The following LRRC4C variants were observed in gnomAD, a reference collection of about 807,000 sequenced individuals.
The protein encoded by LRRC4C is leucine rich repeat containing 4C.
In LRRC4C, 5 loss-of-function variants were observed where a neutral mutation model predicts 33.6. That is an observed-to-expected ratio of 0.15 (90% CI 0.08 to 0.31). The LOEUF is 0.31. Ranked by LOEUF, LRRC4C falls within the 10% of genes least tolerant of loss-of-function variation. The probability of loss-of-function intolerance (pLI) is 1.00; values close to 1 mark genes in which losing one functional copy is unlikely to be tolerated. For synonymous variants in LRRC4C, 329 were observed against 302.0 expected, an observed-to-expected ratio of 1.09 and a Z score of -0.93; for missense variants, 560 against 796.7, an observed-to-expected ratio of 0.70 and a Z score of 3.58.
At chr11:41,272,347 G>T (rs1949348113) in intron 1 of LRRC4C, among the ~76,000 whole-genome samples, 1 of 151,988 alleles carries the variant, frequency 6.6e-6, no homozygotes, top group Non-Finnish European at 1.5e-5. Context: ...AGCATTGTGG[G>T]TGTCTAAGAA....
chr11:41,451,406 T>C (rs534528419), intron 1 of LRRC4C, among the ~76,000 whole-genome samples: 5 of 152,214 alleles, frequency 3.3e-5, no homozygotes, highest in Admixed American at 3.3e-4. Context: ...TGTATTTATG[T>C]ATATGGTGCT....
chr11:40,384,824 G>A (rs1053849789), intron 3 of LRRC4C, among the ~76,000 whole-genome samples: 1 of 151,920 alleles, frequency 6.6e-6, no homozygotes, highest in Non-Finnish European at 1.5e-5. Flanking sequence ...TAAACAATAT[G>A]ATTCTTTGGG....
chr11:40,640,873 G>T (rs957934356), intron 3 of LRRC4C, among the ~76,000 whole-genome samples: 3 of 151,764 alleles, frequency 2.0e-5, no homozygotes, highest in African/African-American at 7.3e-5. Context: ...AAAATCAGCC[G>T]GGCGTGGTGG....
intron 3 of LRRC4C, among the ~76,000 whole-genome samples, chr11:40,499,319 C>G (rs1954626201): frequency 6.6e-6 from 1 of 152,106 alleles, no homozygotes; most frequent in Admixed American, 6.5e-5. Flanking sequence ...AAAATATCAC[C>G]ATACTGAGTC....
At chr11:40,879,770 G>C (rs1313641351) in intron 2 of LRRC4C, among the ~76,000 whole-genome samples, 4 of 151,998 alleles carry the variant, frequency 2.6e-5, no homozygotes, top group Admixed American at 2.6e-4. Flanking sequence ...AAATAAATAA[G>C]GCAAAAAGAT....
intron 2 of LRRC4C, among the ~76,000 whole-genome samples, chr11:40,831,680 G>A (rs1052501960): frequency 3.9e-5 from 6 of 152,086 alleles, no homozygotes; most frequent in African/African-American, 9.7e-5. Context: ...GGCTGCAGAG[G>A]CCTCACAATC....
At chr11:40,583,889 A>T (rs900232604) in intron 3 of LRRC4C, among the ~76,000 whole-genome samples, 2 of 151,690 alleles carry the variant, frequency 1.3e-5, no homozygotes, top group African/African-American at 4.8e-5. Flanking sequence ...CATAGTTTTA[A>T]GGCAGGAAGA....
intron 1 of LRRC4C, among the ~76,000 whole-genome samples, chr11:41,395,714 T>G (rs2138050339): frequency 6.6e-6 from 1 of 152,120 alleles, no homozygotes. Flanking sequence ...CTCCTCTGAC[T>G]ACATAATTGG....
At chr11:41,248,226 TAC>T (rs1174442436) in intron 1 of LRRC4C, among the ~76,000 whole-genome samples, 3 of 152,208 alleles carry the variant, frequency 2.0e-5, no homozygotes, top group Admixed American at 2.0e-4. Context: ...CCATAACATT[TAC>T]TGTTCCTTCT....
chr11:40,531,614 C>T (rs772008053), intron 3 of LRRC4C, among the ~76,000 whole-genome samples: 4 of 152,056 alleles, frequency 2.6e-5, no homozygotes, highest in Non-Finnish European at 5.9e-5. Context: ...GTAAATATCA[C>T]TTTTTGCCTA....
In LRRC4C at chr11:40,601,611, G is replaced by A. The variant is rs144021192; in HGVS notation, c.-270+46531C>T. ...CACATCTAATTATTTTGCATGAATG[G>A]CTTCATTTTGTATCATTAAAATTTC... On this transcript the variant is annotated intron_variant, in intron 3 of 6. Coordinates refer to ENST00000528697, the MANE Select transcript of LRRC4C (RefSeq NM_001258419.2). Among the ~76,000 whole-genome samples the A allele has an allele frequency of 1.2e-4, 18 of 152,262 alleles. No individual in the cohort carries two copies. The East Asian group carries it at 2.7e-3, about 23-fold the overall frequency.
intron 1 of LRRC4C, among the ~76,000 whole-genome samples, chr11:41,012,213 A>C (rs1011165874): frequency 6.6e-6 from 1 of 152,014 alleles, no homozygotes; most frequent in African/African-American, 2.4e-5. Flanking sequence ...ATACCCATTA[A>C]TTAATCTTTC....
chr11:40,520,977 A>G (rs1463801699), intron 3 of LRRC4C, among the ~76,000 whole-genome samples: 1 of 152,162 alleles, frequency 6.6e-6, no homozygotes, highest in African/African-American at 2.4e-5. Context: ...TTCCTTTTTA[A>G]AAACAAAAGA....
chr11:41,357,668 G>A (rs10837636), intron 1 of LRRC4C, among the ~76,000 whole-genome samples: 27,559 of 151,766 alleles, frequency 0.18, 2,843 homozygotes, highest in East Asian at 0.44. Flanking sequence ...CAGATAAATC[G>A]TGAACATTTT....
rs554877619 is a variant in LRRC4C at position 40,988,858 on chromosome 11, A to T, written c.-495-55135T>A. On this transcript the variant is annotated intron_variant, in intron 1 of 6. Transcript: ENST00000528697. ...CAGCCTCCCGAGTAGCTGGGACTAC[A>T]GGTGCCTGCCACCACGCCCGGCTAA... 5.9e-5 allele frequency among the ~76,000 whole-genome samples: 9 copies of T among 151,430 alleles called. No individual in the cohort carries two copies. In the East Asian group the frequency reaches 1.6e-3, roughly 26 times the overall value.
chr11:40,402,443 C>G (rs1483899580), intron 3 of LRRC4C, among the ~76,000 whole-genome samples: 1 of 152,048 alleles, frequency 6.6e-6, no homozygotes, highest in Non-Finnish European at 1.5e-5. Flanking sequence ...AGACTCATGA[C>G]TACAGAGTTT....
chr11:40,747,222 C>A (rs969214879), intron 2 of LRRC4C, among the ~76,000 whole-genome samples: 1 of 152,136 alleles, frequency 6.6e-6, no homozygotes, highest in Non-Finnish European at 1.5e-5. Context: ...ACCTGGAGTA[C>A]CAGTCCTGAG....
intron 2 of LRRC4C, among the ~76,000 whole-genome samples, chr11:40,795,421 T>G (rs1950784763): frequency 6.6e-6 from 1 of 152,024 alleles, no homozygotes; most frequent in African/African-American, 2.4e-5. Flanking sequence ...TCCCAGCTAC[T>G]CGGGAGACTG....
At chr11:41,327,694 A>G (rs535581737) in intron 1 of LRRC4C, among the ~76,000 whole-genome samples, 1 of 151,926 alleles carries the variant, frequency 6.6e-6, no homozygotes, top group South Asian at 2.1e-4. Context: ...CATGGGAGGG[A>G]CCCCGTGGGA....
Sources: gnomAD v4.1 joint callset for allele counts (sites outside exome capture counted in the v4.1 genomes callset) on GRCh38, gnomAD v4.1.1 for gene constraint, MANE v1.5 for transcripts, NCBI Gene and HGNC (gene_info 2026-07-23, HGNC 2026-07-21) for gene names.